STPG1: variants seen among roughly 807,000 people sequenced by gnomAD.
STPG1 encodes O(6)-methylguanine-induced apoptosis 2.
STPG1 carries 33 observed loss-of-function variants against 40.1 expected under a neutral mutation model. The observed-to-expected ratio is 0.82, with a 90% confidence interval of 0.62 to 1.10. The LOEUF (loss-of-function observed/expected upper bound fraction) is 1.10, where lower values mean the gene tolerates loss of function less well. Among genes scored for constraint, STPG1 ranks in the 50% least tolerant of loss-of-function variants. The probability of loss-of-function intolerance (pLI) is 0.00; values close to 1 mark genes in which losing one functional copy is unlikely to be tolerated. For missense variants in STPG1, 396 were observed against 415.1 expected, an observed-to-expected ratio of 0.95 and a Z score of 0.40; for synonymous variants, 150 against 155.0, an observed-to-expected ratio of 0.97 and a Z score of 0.24.
rs1640800963 is a variant in STPG1 at position 24,357,461 on chromosome 1, C to T, written c.*1082G>A. 6.5e-6 allele frequency: 1 copy of T among 152,720 alleles called. No homozygotes were observed. Among genetic ancestry groups the T allele is most frequent in the Admixed American group, 6.5e-5 (1 of 15,296 alleles). The allele number at this position is 152,720 out of a possible 1,614,324, so 9.5% of individuals were successfully genotyped here. On this transcript the variant is annotated 3_prime_UTR_variant, in exon 9 of 9. Coordinates refer to ENST00000337248, the MANE Select transcript of STPG1 (RefSeq NM_001199013.2). Reference sequence around the variant, plus strand: ...GCTCCTGCCTCCCCACTGCCCAGACCCCACCCTGGAGGAGTTAAATCAGCA... The same window carrying T: ...GCTCCTGCCTCCCCACTGCCCAGACTCCACCCTGGAGGAGTTAAATCAGCA...
intron 2 of STPG1, 122 bp downstream of exon 2, chr1:24,401,197 T>A (rs759166942): frequency 5.4e-5 from 39 of 727,752 alleles, no homozygotes; most frequent in Non-Finnish European, 8.2e-5. Flanking sequence ...ACCTATTTGG[T>A]ATGCCTGTAA....
At chr1:24,386,645 T>C (rs1350080631) in intron 3 of STPG1, among the ~76,000 whole-genome samples, 1 of 152,220 alleles carries the variant, frequency 6.6e-6, no homozygotes, top group Non-Finnish European at 1.5e-5. Context: ...CGTTCTCCTG[T>C]GACTTCTAGA....
intron 5 of STPG1, among the ~76,000 whole-genome samples, chr1:24,374,351 C>T (rs1273135150): frequency 2.1e-5 from 3 of 141,768 alleles, no homozygotes; most frequent in Non-Finnish European, 4.5e-5. Context: ...CTCTGCCTCC[C>T]GGGTTCACGC....
At chr1:24,385,913 A>G (rs1324964331) in intron 3 of STPG1, among the ~76,000 whole-genome samples, 1 of 152,174 alleles carries the variant, frequency 6.6e-6, no homozygotes, top group Non-Finnish European at 1.5e-5. Context: ...GAAAGCTGAC[A>G]CAGGAAGTGT....
At chr1:24,373,412 G>A (rs1057134383) in intron 6 of STPG1, among the ~76,000 whole-genome samples, 1 of 152,166 alleles carries the variant, frequency 6.6e-6, no homozygotes, top group Non-Finnish European at 1.5e-5. Flanking sequence ...ACATTTCTGA[G>A]GTGAGAAGCC....
Position 24,391,564 on chromosome 1 carries a change from C to T in STPG1, c.186G>A (p.Lys62=). The change falls in exon 3 of 9, where the codon AAG becomes AAA. Residue 62 remains lysine (K), a synonymous_variant. Coordinates refer to ENST00000337248, the MANE Select transcript of STPG1 (RefSeq NM_001199013.2). ...ACCCCTGAGACAACGTCATTACCTT[C>T]TTATGAGGAAATCTCTTGGCTTGAC... ...FNSQAKRFPH[K]KNDIPGPGFY... is the part of the protein sequence containing the mutation. 6.6e-7 allele frequency: 1 copy of T among 1,520,338 alleles called. No homozygotes were observed. The highest frequency in any genetic ancestry group is 1.2e-5 in the South Asian group (1 of 83,090). The allele number at this position is 1,520,338 out of a possible 1,614,324, so 94.2% of individuals were successfully genotyped here.
In STPG1 at chr1:24,357,861, AAGTC is replaced by A. The variant is rs1640823133; in HGVS notation, c.*678_*681del. On this transcript the variant is annotated 3_prime_UTR_variant, in exon 9 of 9. Coordinates refer to ENST00000337248, the MANE Select transcript of STPG1 (RefSeq NM_001199013.2). ...GAAAATTCAGTCCCGCCAGCAGAGA[AAGTC>A]AGGGAAAAGCGCAGCCCCCGGGCCC... 3.3e-6 allele frequency: 1 copy of A among 305,664 alleles called. No homozygotes were observed. The highest frequency in any genetic ancestry group is 3.2e-5 in the South Asian group (1 of 31,402). The allele number at this position is 305,664 out of a possible 1,614,324, so 18.9% of individuals were successfully genotyped here.
intron 7 of STPG1, chr1:24,364,121 G>T: frequency 1.4e-6 from 2 of 1,465,532 alleles, no homozygotes; most frequent in Non-Finnish European, 1.8e-6. Context: ...TGTTCCTTCT[G>T]TGAGAAACAC....
intron 3 of STPG1, among the ~76,000 whole-genome samples, chr1:24,387,053 A>G (rs1642538930): frequency 1.3e-5 from 2 of 152,104 alleles, no homozygotes; most frequent in Admixed American, 1.3e-4. Context: ...TACTGCCTCC[A>G]TGGAGCCAGG....
chr1:24,362,149 A>C (rs1641164059), intron 7 of STPG1, among the ~76,000 whole-genome samples: 1 of 152,176 alleles, frequency 6.6e-6, no homozygotes, highest in South Asian at 2.1e-4. Flanking sequence ...CAAGCAAAGG[A>C]GGGGACTTGG....
intron 3 of STPG1, among the ~76,000 whole-genome samples, chr1:24,389,315 C>G (rs577427742): frequency 1.3e-5 from 2 of 152,192 alleles, no homozygotes; most frequent in Non-Finnish European, 2.9e-5. Flanking sequence ...CTGTCTTCAG[C>G]TTGGTCTGTG....
intron 7 of STPG1, among the ~76,000 whole-genome samples, chr1:24,365,695 T>C (rs149513269): frequency 1.3e-5 from 2 of 152,360 alleles, no homozygotes; most frequent in East Asian, 3.9e-4. Context: ...TTGATAAAAA[T>C]ACAAGTTACC....
chr1:24,374,662 T>C (rs565326209), intron 5 of STPG1, among the ~76,000 whole-genome samples: 1 of 152,122 alleles, frequency 6.6e-6, no homozygotes, highest in South Asian at 2.1e-4. Context: ...TCTCACTGTG[T>C]TGCCCAGGCT....
intron 2 of STPG1, among the ~76,000 whole-genome samples, chr1:24,393,435 T>C (rs1008804354): frequency 2.0e-5 from 3 of 152,212 alleles, no homozygotes; most frequent in African/African-American, 2.4e-5. Flanking sequence ...CAGAAGCAGC[T>C]GCAAGACTTC....
Position 24,358,578 on chromosome 1 carries a change from A to G in STPG1, c.970T>C (p.Tyr324His), listed in dbSNP as rs755035519. The G allele has an allele frequency of 2.5e-6, 4 of 1,614,096 alleles. No individual in the cohort carries two copies. In the South Asian group the frequency reaches 3.3e-5, roughly 13 times the overall value. Residue 324 changes from tyrosine (Y) to histidine (H), a missense_variant, in exon 9 of 9, where the codon TAC becomes CAC. Physicochemically the swap from Tyr to His is moderately conservative, Grantham distance 83. Transcript: ENST00000337248. ...GGGATCCATTTCTTGTCCTCGTTGT[A>G]GAGGAAGGACTGCTTTCCTGGAAGC... ...PELPGKQSFL[Y>H]NEDKKWIPVL
intron 3 of STPG1, among the ~76,000 whole-genome samples, chr1:24,386,880 C>T (rs190095084): frequency 7.2e-5 from 11 of 152,308 alleles, no homozygotes; most frequent in East Asian, 1.9e-4. Flanking sequence ...GAAGAGAACT[C>T]GCATTTACTA....
In STPG1 at chr1:24,360,937, CG is replaced by C; in HGVS notation, c.841del (p.Arg281AlafsTer89). ...TGATGCACTAGAGATGAAATGCTTG[CG>C]GGGGCCTAAGTAGTCCACGATCTCA... ...QYEIVDYLGP[R>X]KHFISSASFV... On this transcript the variant is annotated frameshift_variant, in exon 8 of 9. Coordinates refer to ENST00000337248, the MANE Select transcript of STPG1 (RefSeq NM_001199013.2). LOFTEE classifies it high-confidence loss of function. 1 of 1,613,956 alleles carries C rather than the reference CG, an allele frequency of 6.2e-7. No homozygotes were observed. The highest frequency in any genetic ancestry group is 8.5e-7 in the Non-Finnish European group (1 of 1,179,956).
chr1:24,391,895 A>G (rs1332285310), intron 2 of STPG1: 1 of 1,304,706 alleles, frequency 7.7e-7, no homozygotes, highest in Admixed American at 3.7e-5. Context: ...CCAGCTCTTA[A>G]ATTAGTGAGA....
chr1:24,364,628 CA>C lies in STPG1; in HGVS notation c.738-3588del, dbSNP rs1641336949. 3.8e-5 allele frequency: 18 copies of C among 478,372 alleles called. 1 individual carries two copies. The South Asian group carries it at 1.2e-3, about 32-fold the overall frequency. 29.6% of individuals were successfully genotyped at this position (478,372 alleles called of 1,614,324 possible). Reference sequence around the variant, plus strand: ...AGGGCTGGCAGCATGTAAAGGAGCCCAGGCATCTGAGGCCCACATGACAGTT... The same window carrying C: ...AGGGCTGGCAGCATGTAAAGGAGCCCGGCATCTGAGGCCCACATGACAGTT... On this transcript the variant is annotated intron_variant, in intron 7 of 8. Coordinates refer to ENST00000337248, the MANE Select transcript of STPG1 (RefSeq NM_001199013.2).
Sources: gnomAD v4.1 joint callset for allele counts (sites outside exome capture counted in the v4.1 genomes callset) on GRCh38, gnomAD v4.1.1 for gene constraint, MANE v1.5 for transcripts, NCBI Gene and HGNC (gene_info 2026-07-23, HGNC 2026-07-21) for gene names.